PFKP: variants seen among roughly 807,000 people sequenced by gnomAD.
The protein encoded by PFKP is ATP-dependent 6-phosphofructokinase, platelet type.
In PFKP, 101 loss-of-function variants were observed where a neutral mutation model predicts 94.3. The ratio of observed to expected loss-of-function variants is 1.07; its 90% confidence interval spans 0.91 to 1.26. The LOEUF is 1.26. Among genes scored for constraint, PFKP ranks in the 50% most tolerant of loss-of-function variants. PFKP has a pLI of 0.00. For missense variants in PFKP, 1,145 were observed against 1,103.3 expected (o/e 1.04, Z -0.53); for synonymous variants, 573 against 432.6 (o/e 1.32, Z -4.03).
At position 3,121,810 on chromosome 10, in the gene PFKP, T is replaced by C. The variant is rs1564339185; in HGVS notation, c.1683+1766T>C. On this transcript the variant is annotated intron_variant, in intron 16 of 21. Coordinates refer to ENST00000381125, the MANE Select transcript of PFKP (RefSeq NM_002627.5). ...AACAATTTCTTTTTTTTTCTTTTTTTTTTTTTTTTTTTTTTTTTTTCTTTT... is the reference window on the plus strand; with the variant it reads ...AACAATTTCTTTTTTTTTCTTTTTTCTTTTTTTTTTTTTTTTTTTTCTTTT... Among the ~76,000 whole-genome samples, 9 of 32,630 alleles carry C rather than the reference T, an allele frequency of 2.8e-4. 2 individuals carry two copies. The highest frequency in any genetic ancestry group is 4.0e-4 in the Non-Finnish European group (6 of 14,920). The allele number at this position is 32,630 out of a possible 152,430, so 21.4% of individuals were successfully genotyped here. A position where few individuals can be genotyped will look rare whatever the true frequency, so the allele number is the denominator to read the frequency against.
intron 1 of PFKP, chr10:3,070,324 G>T (rs769135550): frequency 6.6e-6 from 1 of 152,224 alleles, no homozygotes; most frequent in Non-Finnish European, 1.5e-5. Flanking sequence ...CAGTAAGTAG[G>T]TTATTCCTCG....
intron 2 of PFKP, among the ~76,000 whole-genome samples, chr10:3,087,917 A>G (rs1038421244): frequency 3.3e-5 from 5 of 151,814 alleles, no homozygotes; most frequent in Non-Finnish European, 5.9e-5. Flanking sequence ...TGTAGCAATA[A>G]ATGTTGAATC....
chr10:3,098,100 G>A (rs896822664), intron 2 of PFKP, among the ~76,000 whole-genome samples: 2 of 152,146 alleles, frequency 1.3e-5, no homozygotes, highest in Admixed American at 6.5e-5. Flanking sequence ...CTATCAAGGT[G>A]CCTGCACTAT....
intron 2 of PFKP, among the ~76,000 whole-genome samples, chr10:3,082,844 T>A (rs1380426636): frequency 2.0e-5 from 3 of 152,198 alleles, no homozygotes; most frequent in African/African-American, 4.8e-5. Flanking sequence ...CATGAGTAGA[T>A]GGAATTACAG....
chr10:3,105,042 G>A (rs1835397208), intron 5 of PFKP, 73 bp from the exon 6 acceptor site: 10 of 1,416,566 alleles, frequency 7.1e-6, no homozygotes, highest in Non-Finnish European at 9.0e-6. Context: ...GCTGTTTCCA[G>A]GACTGAGTGG....
At position 3,113,840 on chromosome 10, in the gene PFKP, A is replaced by T. The variant is rs1836518541; in HGVS notation, c.1371+322A>T. On this transcript the variant is annotated intron_variant, in intron 13 of 21. Transcript: ENST00000381125. Reference sequence around the variant, plus strand: ...TGTCTCGGAGGCTGTGGTTTGTTTAAACCGGGCACTGGAGGGAAAGCAGGC... The same window carrying T: ...TGTCTCGGAGGCTGTGGTTTGTTTATACCGGGCACTGGAGGGAAAGCAGGC... 2.0e-5 allele frequency among the ~76,000 whole-genome samples: 3 copies of T among 151,782 alleles called. 1 individual carries two copies. The South Asian group carries it at 6.2e-4, about 31-fold the overall frequency.
chr10:3,111,555 C>T (rs1008840856), intron 10 of PFKP, among the ~76,000 whole-genome samples: 5 of 152,132 alleles, frequency 3.3e-5, no homozygotes, highest in Non-Finnish European at 5.9e-5. Flanking sequence ...CACTACTGTG[C>T]ACCTGCTGTT....
At chr10:3,088,146 T>G (rs11251705) in intron 2 of PFKP, among the ~76,000 whole-genome samples, 2 of 52,646 alleles carry the variant, frequency 3.8e-5, no homozygotes, top group South Asian at 9.0e-4. Flanking sequence ...CCCTCCCCCC[T>G]CCCCCCACCC....
At chr10:3,123,148 C>T (rs1228097173) in intron 16 of PFKP, among the ~76,000 whole-genome samples, 2 of 152,198 alleles carry the variant, frequency 1.3e-5, no homozygotes, top group African/African-American at 2.4e-5. Flanking sequence ...TACCTCAGAG[C>T]CGGTGTGACA....
chr10:3,094,384 G>A lies in PFKP; in HGVS notation c.187-4891G>A, dbSNP rs188885725. Among the ~76,000 whole-genome samples the A allele has an allele frequency of 4.3e-4, 66 of 152,330 alleles. No homozygotes were observed. The South Asian group carries it at 8.1e-3, about 19-fold the overall frequency. On this transcript the variant is annotated intron_variant, in intron 2 of 21. Coordinates refer to ENST00000381125, the MANE Select transcript of PFKP (RefSeq NM_002627.5). ...GTGCAGGACCACATGATGGTGTGTCGTGTGCTAACCTATTTTAGAATTTTA... is the reference window on the plus strand; with the variant it reads ...GTGCAGGACCACATGATGGTGTGTCATGTGCTAACCTATTTTAGAATTTTA...
intron 18 of PFKP, among the ~76,000 whole-genome samples, chr10:3,132,697 T>A (rs1838732210): frequency 6.6e-6 from 1 of 151,924 alleles, no homozygotes; most frequent in Admixed American, 6.6e-5. Context: ...CACCTGATGT[T>A]TATGAAGAAA....
chr10:3,079,389 C>G (rs1199162569), intron 1 of PFKP, among the ~76,000 whole-genome samples: 1 of 152,008 alleles, frequency 6.6e-6, no homozygotes, highest in Non-Finnish European at 1.5e-5. Context: ...TGCCCGCCAC[C>G]ACGCCTGGCT....
chr10:3,105,247 T>A (rs1835419209), intron 6 of PFKP, 88 bp downstream of exon 6: 2 of 1,402,538 alleles, frequency 1.4e-6, no homozygotes, highest in Non-Finnish European at 1.0e-6. Flanking sequence ...ACATCCTGAA[T>A]GCTCCCGTGG....
intron 1 of PFKP, among the ~76,000 whole-genome samples, chr10:3,070,926 T>TTATTATTATTA (rs767737023): frequency 0.036 from 5,308 of 148,264 alleles, 152 homozygotes; most frequent in Non-Finnish European, 0.052. Context: ...TATTATTATT[T>TTATTATTATTA]TTGTAGAGAC....
intron 2 of PFKP, among the ~76,000 whole-genome samples, chr10:3,087,981 A>ATTC (rs1158158015): frequency 2.3e-5 from 1 of 44,078 alleles, no homozygotes; most frequent in African/African-American, 8.7e-5. Flanking sequence ...TGTATCTTTC[A>ATTC]TTCTTTTTTT....
chr10:3,069,864 A>G (rs1832053129), intron 1 of PFKP, among the ~76,000 whole-genome samples: 1 of 152,258 alleles, frequency 6.6e-6, no homozygotes, highest in Non-Finnish European at 1.5e-5. Flanking sequence ...CATTGGCAGA[A>G]TCGCGGTGTT....
At chr10:3,099,943 G>A (rs192563172) in intron 3 of PFKP, among the ~76,000 whole-genome samples, 342 of 151,928 alleles carry the variant, frequency 2.3e-3, no homozygotes, top group Non-Finnish European at 3.4e-3. Flanking sequence ...GTCTGAGTGT[G>A]TATGTGTGGT....
intron 1 of PFKP, chr10:3,068,667 G>T: frequency 1.0e-6 from 1 of 985,252 alleles, no homozygotes; most frequent in Non-Finnish European, 1.2e-6. Flanking sequence ...GACTCGGCGC[G>T]CCCCAGGCCC....
intron 16 of PFKP, among the ~76,000 whole-genome samples, chr10:3,123,160 G>A (rs943473094): frequency 1.2e-4 from 18 of 152,300 alleles, no homozygotes; most frequent in African/African-American, 4.1e-4. Context: ...GGTGTGACAC[G>A]TTCTCAGGAT....
Sources: allele counts gnomAD v4.1 joint callset (sites outside exome capture counted in the v4.1 genomes callset), GRCh38; gene constraint gnomAD v4.1.1; transcripts MANE v1.5; gene names NCBI Gene and HGNC (gene_info 2026-07-23, HGNC 2026-07-21).